Variants in CAMK4 observed in about 807,000 individuals in gnomAD.
CAMK4 encodes the protein calcium/calmodulin-dependent protein kinase type IV.
In CAMK4, 22 loss-of-function variants were observed where a neutral mutation model predicts 44.9. The ratio of observed to expected loss-of-function variants is 0.49; its 90% confidence interval spans 0.35 to 0.70. The LOEUF (loss-of-function observed/expected upper bound fraction) is 0.70. Ranked by LOEUF, CAMK4 falls within the 30% of genes least tolerant of loss-of-function variation. CAMK4 has a pLI of 0.01. For missense variants in CAMK4, 498 were observed against 586.8 expected (o/e 0.85, Z 1.56); for synonymous variants, 218 against 215.4 (o/e 1.01, Z -0.11).
chr5:111,380,088 A>G (rs1027481113), intron 4 of CAMK4, among the ~76,000 whole-genome samples: 25 of 152,124 alleles, frequency 1.6e-4, no homozygotes, highest in Non-Finnish European at 5.9e-5. Flanking sequence ...CATCATTTTC[A>G]TTGAATTATT....
intron 1 of CAMK4, among the ~76,000 whole-genome samples, chr5:111,309,673 T>C (rs1748114922): frequency 6.6e-6 from 1 of 152,184 alleles, no homozygotes; most frequent in Admixed American, 6.5e-5. Flanking sequence ...CCTGGAGTTT[T>C]CCAGGTCCGG....
chr5:111,299,816 T>C (rs1561394704), intron 1 of CAMK4, among the ~76,000 whole-genome samples: 3 of 152,078 alleles, frequency 2.0e-5, no homozygotes, highest in Admixed American at 6.5e-5. Context: ...TTTCCTCCCA[T>C]TTCTGTGTTT....
chr5:111,400,563 C>G (rs1183202904), intron 5 of CAMK4, among the ~76,000 whole-genome samples: 4 of 150,528 alleles, frequency 2.7e-5, no homozygotes. Context: ...CTCCCTCCCT[C>G]CCCATTCCAT....
At chr5:111,479,754 C>A (rs1194028410) in intron 9 of CAMK4, among the ~76,000 whole-genome samples, 2 of 152,130 alleles carry the variant, frequency 1.3e-5, no homozygotes, top group Non-Finnish European at 2.9e-5. Flanking sequence ...ATGGCTTTTC[C>A]AGCATGAGTG....
intron 1 of CAMK4, among the ~76,000 whole-genome samples, chr5:111,259,092 A>G (rs1348371203): frequency 6.6e-6 from 1 of 152,154 alleles, no homozygotes; most frequent in Non-Finnish European, 1.5e-5. Context: ...CCCTTCTCCC[A>G]ATGAAATAAA....
At chr5:111,309,074 G>A (rs1398852040) in intron 1 of CAMK4, among the ~76,000 whole-genome samples, 2 of 152,192 alleles carry the variant, frequency 1.3e-5, no homozygotes, top group Admixed American at 1.3e-4. Flanking sequence ...GTATCTTAGA[G>A]TCTTTGAGTT....
At chr5:111,340,900 G>C (rs188384980) in intron 1 of CAMK4, among the ~76,000 whole-genome samples, 1 of 149,996 alleles carries the variant, frequency 6.7e-6, no homozygotes, top group Non-Finnish European at 1.5e-5. Flanking sequence ...ACTCATTATT[G>C]GTCTGTTCAG....
chr5:111,340,713 C>T (rs1197967833), intron 1 of CAMK4, among the ~76,000 whole-genome samples: 2 of 150,992 alleles, frequency 1.3e-5, no homozygotes, highest in East Asian at 2.0e-4. Flanking sequence ...ATGGTGGCCT[C>T]ATAAAATTCG....
At chr5:111,408,880 A>T (rs1439542640) in intron 5 of CAMK4, among the ~76,000 whole-genome samples, 1 of 152,192 alleles carries the variant, frequency 6.6e-6, no homozygotes, top group Non-Finnish European at 1.5e-5. Context: ...TAAAGCTCTG[A>T]AATGATCTCC....
At chr5:111,384,808 C>T (rs1314928860) in intron 4 of CAMK4, among the ~76,000 whole-genome samples, 1 of 152,128 alleles carries the variant, frequency 6.6e-6, no homozygotes, top group Non-Finnish European at 1.5e-5. Context: ...TTCCATCCAT[C>T]TGTATTTAAG....
At chr5:111,281,787 G>C (rs1001979518) in intron 1 of CAMK4, among the ~76,000 whole-genome samples, 1 of 152,106 alleles carries the variant, frequency 6.6e-6, no homozygotes, top group Non-Finnish European at 1.5e-5. Context: ...GGCCGGGCGC[G>C]GTGGCTCACG....
intron 1 of CAMK4, among the ~76,000 whole-genome samples, chr5:111,324,372 A>G (rs1026344738): frequency 6.6e-6 from 1 of 152,062 alleles, no homozygotes; most frequent in Non-Finnish European, 1.5e-5. Context: ...TTCAAATTCT[A>G]AATATAAGAA....
intron 5 of CAMK4, among the ~76,000 whole-genome samples, chr5:111,399,665 T>C (rs995898655): frequency 6.6e-6 from 1 of 152,198 alleles, no homozygotes. Context: ...GTACTAAACA[T>C]CTTTACTGTT....
At chr5:111,461,220 G>C (rs25922) in intron 7 of CAMK4, among the ~76,000 whole-genome samples, 114,495 of 152,042 alleles carry the variant, frequency 0.75, 43,514 homozygotes, top group Non-Finnish European at 0.8. Context: ...CCCCAAATAC[G>C]TTCTCAGTCC....
chr5:111,227,428 G>A (rs1748246475), intron 1 of CAMK4, among the ~76,000 whole-genome samples: 1 of 152,218 alleles, frequency 6.6e-6, no homozygotes, highest in African/African-American at 2.4e-5. Flanking sequence ...GGTGTTACGT[G>A]TTGCTGTTGT....
chr5:111,472,147 G>A (rs1033077993), intron 7 of CAMK4, among the ~76,000 whole-genome samples: 36 of 151,934 alleles, frequency 2.4e-4, no homozygotes, highest in African/African-American at 7.7e-4. Flanking sequence ...CACCTGCCTC[G>A]ATCTCCCAAA....
intron 1 of CAMK4, among the ~76,000 whole-genome samples, chr5:111,322,907 A>G (rs1366688484): frequency 6.6e-6 from 1 of 152,140 alleles, no homozygotes; most frequent in African/African-American, 2.4e-5. Flanking sequence ...AGGCTGCAAA[A>G]GAAATAGTGA....
At chr5:111,398,411 A>C (rs1336015466) in intron 5 of CAMK4, among the ~76,000 whole-genome samples, 1 of 152,150 alleles carries the variant, frequency 6.6e-6, no homozygotes, top group African/African-American at 2.4e-5. Context: ...TTTCTTTTGA[A>C]CTAGGCTGCC....
intron 1 of CAMK4, among the ~76,000 whole-genome samples, chr5:111,243,014 G>A (rs1407434494): frequency 6.6e-6 from 1 of 152,100 alleles, no homozygotes; most frequent in Non-Finnish European, 1.5e-5. Flanking sequence ...CACCTGGATT[G>A]GGAGCTCCTC....
Sources: gnomAD v4.1 joint callset for allele counts (sites outside exome capture counted in the v4.1 genomes callset) on GRCh38, gnomAD v4.1.1 for gene constraint, MANE v1.5 for transcripts, NCBI Gene and HGNC (gene_info 2026-07-23, HGNC 2026-07-21) for gene names.